Variants in TENM1 observed in about 807,000 individuals in gnomAD.
TENM1 encodes teneurin-1.
A neutral mutation model predicts 174.8 loss-of-function variants in TENM1; 35 were observed. The ratio of observed to expected loss-of-function variants is 0.20; its 90% CI spans 0.15 to 0.27. The LOEUF is 0.27. Ranked by LOEUF, TENM1 falls within the 10% of genes least tolerant of loss-of-function variation. TENM1 has a pLI of 1.00. For synonymous variants in TENM1, 781 were observed against 798.7 expected, an observed-to-expected ratio of 0.98 and a Z score of 0.37; for missense variants, 1,633 against 2,130.1, an observed-to-expected ratio of 0.77 and a Z score of 4.59.
chrX:125,033,326 T>C, the TENM1 span, among the ~76,000 whole-genome samples: 13 of 111,724 alleles, frequency 1.2e-4, no homozygotes, highest in Non-Finnish European at 2.4e-4. Flanking sequence ...CCTCATGGTG[T>C]CTTGTACTAG....
the TENM1 span, among the ~76,000 whole-genome samples, chrX:125,036,279 G>A: frequency 9.0e-6 from 1 of 111,693 alleles, no homozygotes; most frequent in Non-Finnish European, 1.9e-5. Flanking sequence ...AGTATTTGTT[G>A]AAAGCTCAAG....
chrX:124,580,129 C>T (rs966312016), intron 11 of TENM1, among the ~76,000 whole-genome samples: 3 of 111,539 alleles, frequency 2.7e-5, no homozygotes, highest in African/African-American at 9.8e-5. Flanking sequence ...GCTAATTCAT[C>T]GGCACTTGTC....
At chrX:124,604,082 CTGT>C (rs1024316836) in intron 11 of TENM1, among the ~76,000 whole-genome samples, 6 of 111,037 alleles carry the variant, frequency 5.4e-5, no homozygotes, top group Admixed American at 1.9e-4. Flanking sequence ...GTACTAACTT[CTGT>C]TGTCAATTTA....
chrX:124,626,451 G>A (rs1043482089), intron 11 of TENM1, among the ~76,000 whole-genome samples: 2 of 111,292 alleles, frequency 1.8e-5, no homozygotes, highest in Admixed American at 9.6e-5. Context: ...AGAAACAACA[G>A]CCACCATAAA....
chrX:124,872,310 G>A (rs1322727676), intron 3 of TENM1, among the ~76,000 whole-genome samples: 3 of 111,736 alleles, frequency 2.7e-5, no homozygotes, highest in Non-Finnish European at 5.6e-5. Flanking sequence ...TTTTCGCATG[G>A]TAAAATGGAT....
At chrX:124,778,639 G>A (rs2054838272) in intron 3 of TENM1, among the ~76,000 whole-genome samples, 1 of 112,126 alleles carries the variant, frequency 8.9e-6, no homozygotes, top group Non-Finnish European at 1.9e-5. Context: ...GCCATAAAAA[G>A]TAAAAGAAGG....
intron 1 of TENM1, among the ~76,000 whole-genome samples, chrX:124,904,167 A>C (rs1214649014): frequency 2.7e-5 from 3 of 111,549 alleles, no homozygotes; most frequent in Non-Finnish European, 5.6e-5. Flanking sequence ...ATAACCATTA[A>C]AAACACTTGT....
intron 3 of TENM1, among the ~76,000 whole-genome samples, chrX:124,841,711 A>G (rs1052800677): frequency 9.0e-6 from 1 of 110,873 alleles, no homozygotes; most frequent in African/African-American, 3.3e-5. Context: ...ACCTGTGGTC[A>G]ATGTTCACTA....
chrX:124,958,154 T>C (rs1338765643), intron 1 of TENM1, among the ~76,000 whole-genome samples: 2 of 111,643 alleles, frequency 1.8e-5, no homozygotes, highest in African/African-American at 6.5e-5. Flanking sequence ...GAATTGTGAA[T>C]AATATTATAT....
chrX:124,919,370 C>T (rs1211240755), intron 1 of TENM1, among the ~76,000 whole-genome samples: 4 of 111,822 alleles, frequency 3.6e-5, no homozygotes, highest in Non-Finnish European at 7.5e-5. Flanking sequence ...TATTATATAA[C>T]CTTGAAAATA....
chrX:124,581,781 G>A lies in TENM1; in HGVS notation c.2078-16221C>T, dbSNP rs1276022262. Among the ~76,000 whole-genome samples, 5 of 111,511 alleles carry A rather than the reference G, an allele frequency of 4.5e-5. No individual in the cohort carries two copies. In the East Asian group the frequency reaches 1.1e-3, roughly 25 times the overall value. The stretch of plus-strand genomic sequence containing the variant: ...TCACTGTGGTTTTGATTTCCATTTC[G>A]CTGATGATTAATGATGTGGAGCATT... On this transcript the variant is annotated intron_variant, in intron 11 of 31. Coordinates refer to ENST00000422452, the Ensembl canonical transcript of TENM1.
intron 5 of TENM1, among the ~76,000 whole-genome samples, chrX:124,702,071 G>T (rs1340851393): frequency 8.9e-6 from 1 of 111,788 alleles, no homozygotes; most frequent in African/African-American, 3.2e-5. Flanking sequence ...TTTTACTTGG[G>T]TTATACAGCA....
At chrX:124,780,059 T>G (rs2054873779) in intron 3 of TENM1, among the ~76,000 whole-genome samples, 1 of 111,592 alleles carries the variant, frequency 9.0e-6, no homozygotes, top group Non-Finnish European at 1.9e-5. Context: ...CCAGTATAGA[T>G]TAGGGATTAG....
At position 124,799,134 on chromosome X, in the gene TENM1, GC is replaced by G. The variant is rs1219252862; in HGVS notation, c.536-61938del. Among the ~76,000 whole-genome samples, 15 of 111,161 alleles carry G rather than the reference GC, an allele frequency of 1.3e-4. No individual in the cohort carries two copies. In the Admixed American group the frequency reaches 1.4e-3, roughly 11 times the overall value. The stretch of plus-strand genomic sequence containing the variant: ...AAAGTCAGGTAGCATGATGCCCCCA[GC>G]TTTATTCTTTTTGCTTAGGATTGTC... On this transcript the variant is annotated intron_variant, in intron 3 of 31. Transcript: ENST00000422452.
chrX:125,056,480 T>C, the TENM1 span, among the ~76,000 whole-genome samples: 1 of 111,552 alleles, frequency 9.0e-6, no homozygotes, highest in Non-Finnish European at 1.9e-5. Flanking sequence ...GAAAGAGCCA[T>C]TGTACCACTG....
chrX:124,931,217 A>C (rs2058165342), intron 1 of TENM1, among the ~76,000 whole-genome samples: 1 of 109,980 alleles, frequency 9.1e-6, no homozygotes, highest in Middle Eastern at 4.6e-3. Context: ...ATCCATCTGA[A>C]GATGCATTTT....
chrX:124,615,716 T>C (rs1241178398), intron 11 of TENM1, among the ~76,000 whole-genome samples: 2 of 111,888 alleles, frequency 1.8e-5, no homozygotes, highest in Non-Finnish European at 3.8e-5. Flanking sequence ...GTGAGATATA[T>C]ATATACTTCT....
chrX:124,549,814 T>C (rs940929222), intron 14 of TENM1, among the ~76,000 whole-genome samples: 3 of 111,226 alleles, frequency 2.7e-5, no homozygotes, highest in African/African-American at 9.8e-5. Flanking sequence ...AATTATCACA[T>C]TGACTAACAC....
intron 4 of TENM1, among the ~76,000 whole-genome samples, chrX:124,717,963 G>T (rs777378931): frequency 8.9e-5 from 10 of 112,213 alleles, no homozygotes; most frequent in African/African-American, 2.9e-4. Flanking sequence ...TGAAATGAAG[G>T]TATACTACTT....
Sources: allele counts gnomAD v4.1 joint callset (sites outside exome capture counted in the v4.1 genomes callset), GRCh38; gene constraint gnomAD v4.1.1; transcripts MANE v1.5; gene names NCBI Gene and HGNC (gene_info 2026-07-23, HGNC 2026-07-21).